Variants in DPP6 observed in about 807,000 individuals in gnomAD.
The protein encoded by DPP6 is A-type potassium channel modulatory protein DPP6.
Under a neutral mutation model 122.6 loss-of-function variants are expected in DPP6, and 69 were observed. That is an observed-to-expected ratio of 0.56 (90% CI 0.46 to 0.69). DPP6 has a LOEUF of 0.69. Among genes scored for constraint, DPP6 ranks in the 30% least tolerant of loss-of-function variants. DPP6 has a pLI of 0.00. For missense variants in DPP6, 928 were observed against 1,116.9 expected (o/e 0.83, Z 2.41); for synonymous variants, 418 against 433.1 (o/e 0.97, Z 0.43).
intron 5 of DPP6, among the ~76,000 whole-genome samples, chr7:154,600,413 G>A (rs1412675694): frequency 1.6e-5 from 2 of 121,276 alleles, no homozygotes; most frequent in African/African-American, 5.3e-5. Flanking sequence ...ACAGGCGTGA[G>A]CCACCATGCC....
At position 154,760,457 on chromosome 7, in the gene DPP6, C is replaced by T. The variant is rs1036562849; in HGVS notation, c.884-8960C>T. Among the ~76,000 whole-genome samples, 2 of 152,004 alleles carry T rather than the reference C, an allele frequency of 1.3e-5. No individual in the cohort carries two copies. The highest frequency in any genetic ancestry group is 1.5e-5 in the Non-Finnish European group (1 of 67,992). ...TTCAGCCAGTTCTCTTATCTCGGGGCGGAGGGAGCGTCAGTGTTTCAGCAG... is the reference window on the plus strand; with the variant it reads ...TTCAGCCAGTTCTCTTATCTCGGGGTGGAGGGAGCGTCAGTGTTTCAGCAG... On this transcript the variant is annotated intron_variant, in intron 8 of 25. Transcript: ENST00000377770. The surrounding 1 kb of genome is among the most constrained non-coding windows in gnomAD (Gnocchi z 4.5).
chr7:154,669,570 A>C, intron 7 of DPP6, 129 bp downstream of exon 7: 3 of 1,344,786 alleles, frequency 2.2e-6, no homozygotes, highest in Non-Finnish European at 3.0e-6. Flanking sequence ...GTGTGTGTAA[A>C]TTAAAATCTG....
intron 1 of DPP6, among the ~76,000 whole-genome samples, chr7:154,431,476 C>T (rs1056149704): frequency 1.6e-4 from 3 of 18,808 alleles, no homozygotes; most frequent in Admixed American, 1.1e-3. Context: ...CTTTTCTTTT[C>T]TTTTCTTTTC....
At chr7:154,363,319 A>G (rs1811891971) in intron 1 of DPP6, among the ~76,000 whole-genome samples, 1 of 152,188 alleles carries the variant, frequency 6.6e-6, no homozygotes, top group South Asian at 2.1e-4. Context: ...AGTTACTAGA[A>G]CAGGAATTTT....
intron 1 of DPP6, among the ~76,000 whole-genome samples, chr7:154,296,134 C>T (rs960174014): frequency 5.3e-5 from 8 of 152,022 alleles, no homozygotes; most frequent in South Asian, 4.1e-4. Flanking sequence ...TTAGTAAAGA[C>T]GGGGTTTCAC....
At chr7:154,654,424 T>TC (rs1274097201) in intron 6 of DPP6, among the ~76,000 whole-genome samples, 2 of 146,820 alleles carry the variant, frequency 1.4e-5, no homozygotes, top group Non-Finnish European at 3.0e-5. Context: ...TTTCTTTCTT[T>TC]CTTTCTTTTT....
At chr7:153,920,561 C>CTTTTTTTTTTTTTTTTTTTTTT (rs1489811189) in intron 1 of DPP6, among the ~76,000 whole-genome samples, 8 of 62,456 alleles carry the variant, frequency 1.3e-4, no homozygotes, top group Admixed American at 4.2e-4. Flanking sequence ...TTTTATCTCT[C>CTTTTTTTTTTTTTTTTTTTTTT]TCTTTTTTTT....
chr7:154,777,142 T>C (rs975535838), intron 10 of DPP6, among the ~76,000 whole-genome samples: 7 of 152,202 alleles, frequency 4.6e-5, no homozygotes, highest in Admixed American at 4.6e-4. Context: ...ATGTGCTGTG[T>C]GAGGCCCTTG....
intron 1 of DPP6, among the ~76,000 whole-genome samples, chr7:153,909,870 CACAGGAGAGGAT>C (rs1174044554): frequency 6.6e-6 from 1 of 152,090 alleles, no homozygotes; most frequent in Admixed American, 6.5e-5. Context: ...TGGCTGATAT[CACAGGAGAGGAT>C]ATTGGAGCTG....
intron 1 of DPP6, among the ~76,000 whole-genome samples, chr7:154,119,331 G>A (rs1238495446): frequency 6.6e-6 from 1 of 152,186 alleles, no homozygotes; most frequent in African/African-American, 2.4e-5. Flanking sequence ...TAGAAAGAAA[G>A]TGACTTTATT....
intron 3 of DPP6, among the ~76,000 whole-genome samples, chr7:154,513,803 G>T (rs1202209538): frequency 1.3e-5 from 2 of 152,114 alleles, no homozygotes; most frequent in African/African-American, 4.8e-5. Context: ...GTCCAACCCT[G>T]GGCACGTGCC....
At chr7:154,704,823 A>T (rs545371066) in intron 7 of DPP6, among the ~76,000 whole-genome samples, 77 of 152,290 alleles carry the variant, frequency 5.1e-4, no homozygotes, top group African/African-American at 1.8e-3. Context: ...GACTCCCTTT[A>T]TTGTGATATT....
intron 1 of DPP6, among the ~76,000 whole-genome samples, chr7:154,423,293 C>T (rs571747122): frequency 6.6e-6 from 1 of 152,118 alleles, no homozygotes; most frequent in Non-Finnish European, 1.5e-5. Context: ...TGAAAAACTC[C>T]GAGGGTTAGT....
At chr7:154,484,962 G>T (rs944703466) in intron 3 of DPP6, among the ~76,000 whole-genome samples, 9 of 150,692 alleles carry the variant, frequency 6.0e-5, no homozygotes, top group South Asian at 2.1e-4. Flanking sequence ...AAACAGATGG[G>T]TTTTTTTTTT....
chr7:153,872,258 G>C, the DPP6 span, among the ~76,000 whole-genome samples: 11,981 of 152,174 alleles, frequency 0.079, 667 homozygotes, highest in East Asian at 0.25. Context: ...GCCTGGTAAT[G>C]TGTATTTTCA....
intron 1 of DPP6, among the ~76,000 whole-genome samples, chr7:153,895,657 C>A (rs1799378933): frequency 6.6e-6 from 1 of 152,132 alleles, no homozygotes; most frequent in Non-Finnish European, 1.5e-5. Context: ...CATTCATGCA[C>A]CAGCCTTGAT....
chr7:153,762,154 A>C, the DPP6 span, among the ~76,000 whole-genome samples: 208 of 152,334 alleles, frequency 1.4e-3, 1 homozygote, highest in Non-Finnish European at 2.2e-3. Context: ...TTTAATAGAC[A>C]GTTATTACAT....
upstream of DPP6, among the ~76,000 whole-genome samples, chr7:154,051,609 C>A (rs1206381038): frequency 6.7e-6 from 1 of 149,044 alleles, no homozygotes; most frequent in African/African-American, 2.5e-5. Flanking sequence ...CCCTCGCTCT[C>A]GGCGGGCACA....
At position 154,091,044 on chromosome 7, in the gene DPP6, C is replaced by A. The variant is rs564787364; in HGVS notation, c.243+37981C>A. On this transcript the variant is annotated intron_variant, in intron 1 of 25. Coordinates refer to ENST00000377770, the MANE Select transcript of DPP6 (RefSeq NM_130797.4). Reference sequence around the variant, plus strand: ...GCTGAGGCAGGAGAATGGTGTGAACCCAGGAGGTGGAGCTTGCAGTGAGCC... The same window carrying A: ...GCTGAGGCAGGAGAATGGTGTGAACACAGGAGGTGGAGCTTGCAGTGAGCC... Among the ~76,000 whole-genome samples the A allele has an allele frequency of 7.9e-5, 12 of 151,666 alleles. 1 individual carries two copies. In the East Asian group the frequency reaches 1.9e-3, roughly 25 times the overall value.
Sources: allele counts gnomAD v4.1 joint callset (sites outside exome capture counted in the v4.1 genomes callset), GRCh38; gene constraint gnomAD v4.1.1; non-coding constraint Gnocchi (gnomAD v3.1); transcripts MANE v1.5; gene names NCBI Gene and HGNC (gene_info 2026-07-23, HGNC 2026-07-21).